The following ZNF41 variants were observed in gnomAD, a reference collection of about 807,000 sequenced individuals.
The protein encoded by ZNF41 is zinc finger protein 41.
ZNF41 carries 6 observed loss-of-function variants against 9.3 expected under a neutral mutation model. That is an observed-to-expected ratio of 0.65 (90% CI 0.35 to 1.28). The LOEUF (loss-of-function observed/expected upper bound fraction) is 1.28. Among genes scored for constraint, ZNF41 ranks in the 50% most tolerant of loss-of-function variants. The pLI is 0.03. For synonymous variants in ZNF41, 192 were observed against 207.1 expected, an observed-to-expected ratio of 0.93 and a Z score of 0.63; for missense variants, 523 against 585.8, an observed-to-expected ratio of 0.89 and a Z score of 1.11.
At chrX:47,476,648 TAAA>T (rs2057339137) in intron 1 of ZNF41, among the ~76,000 whole-genome samples, 1 of 110,823 alleles carries the variant, frequency 9.0e-6, no homozygotes, top group Non-Finnish European at 1.9e-5. Flanking sequence ...AGGATAGAAT[TAAA>T]AAGACAATAA....
intron 2 of ZNF41, among the ~76,000 whole-genome samples, chrX:47,459,574 C>G (rs1432924774): frequency 9.3e-6 from 1 of 107,293 alleles, no homozygotes; most frequent in Admixed American, 1.0e-4. Flanking sequence ...AAAACCCCAT[C>G]TCTACAAAAA....
At chrX:47,455,856 G>A (rs1383509222) in intron 4 of ZNF41, 65 bp downstream of exon 4, 99 of 1,038,085 alleles carry the variant, frequency 9.5e-5, no homozygotes, top group East Asian at 6.4e-4. Flanking sequence ...CAAAGGCATC[G>A]GGCTTTCCTA....
Position 47,448,913 on chromosome X carries a change from A to C in ZNF41, c.857T>G (p.Leu286Arg). The change falls in exon 5 of 5, where the codon CTG becomes CGG. Residue 286 changes from leucine (L) to arginine (R), a missense_variant. Leu to Arg is a moderately radical substitution (Grantham distance 102). Coordinates refer to ENST00000684689, the MANE Select transcript of ZNF41 (RefSeq NM_001324144.2). ...CVMGFTQKSH[L>R]FEHQRIHAGE... is the part of the protein sequence containing the mutation. ...AGCATGAATTCTCTGATGCTCAAAC[A>C]GATGTGACTTCTGAGTGAAGCCCAT... 8.3e-7 allele frequency: 1 copy of C among 1,211,842 alleles called. No individual in the cohort carries two copies. The highest frequency in any genetic ancestry group is 1.1e-6 in the Non-Finnish European group (1 of 895,563).
chrX:47,471,824 C>T (rs1171964395), intron 1 of ZNF41, among the ~76,000 whole-genome samples: 2 of 111,725 alleles, frequency 1.8e-5, no homozygotes, highest in Non-Finnish European at 3.8e-5. Context: ...ACAGGCATTT[C>T]ACAAAGAAAA....
At chrX:47,465,314 CAA>C (rs1407717798) in intron 2 of ZNF41, among the ~76,000 whole-genome samples, 2 of 111,991 alleles carry the variant, frequency 1.8e-5, no homozygotes, top group African/African-American at 6.5e-5. Flanking sequence ...TCAAAGTATA[CAA>C]AGTTTTGTTA....
At chrX:47,462,910 GTA>G (rs61273021) in intron 2 of ZNF41, among the ~76,000 whole-genome samples, 26 of 92,647 alleles carry the variant, frequency 2.8e-4, no homozygotes, top group East Asian at 3.4e-4. Context: ...TTTTTTGTAT[GTA>G]TATATATATA....
intron 1 of ZNF41, among the ~76,000 whole-genome samples, chrX:47,468,866 C>T (rs2057077132): frequency 9.0e-6 from 1 of 111,119 alleles, no homozygotes; most frequent in Non-Finnish European, 1.9e-5. Context: ...ACGTCATTTA[C>T]AAGGAAAAGG....
At chrX:47,457,434 C>T (rs2056610720) in intron 2 of ZNF41, among the ~76,000 whole-genome samples, 1 of 109,523 alleles carries the variant, frequency 9.1e-6, no homozygotes, top group South Asian at 3.9e-4. Flanking sequence ...GGATTGATCA[C>T]GAGGAATGTT....
intron 2 of ZNF41, among the ~76,000 whole-genome samples, chrX:47,457,622 T>C (rs923355780): frequency 3.6e-5 from 4 of 111,918 alleles, no homozygotes; most frequent in Non-Finnish European, 7.5e-5. Flanking sequence ...GCGGATCACC[T>C]GAGGTCAGGA....
chrX:47,459,567 AC>A (rs1355524268), intron 2 of ZNF41, among the ~76,000 whole-genome samples: 1 of 106,754 alleles, frequency 9.4e-6, no homozygotes, highest in Non-Finnish European at 1.9e-5. Flanking sequence ...ACATGGCAAA[AC>A]CCCATCTCTA....
intron 4 of ZNF41, among the ~76,000 whole-genome samples, chrX:47,449,884 C>T (rs1277565375): frequency 9.0e-6 from 1 of 111,461 alleles, no homozygotes; most frequent in African/African-American, 3.3e-5. Context: ...ATGTAAGAGG[C>T]CTGGATTGTG....
chrX:47,452,225 C>T (rs912539783), intron 4 of ZNF41, among the ~76,000 whole-genome samples: 3 of 110,894 alleles, frequency 2.7e-5, no homozygotes, highest in African/African-American at 6.6e-5. Context: ...CTCTAGAGCT[C>T]GGCTCCTGCA....
intron 1 of ZNF41, among the ~76,000 whole-genome samples, chrX:47,475,357 A>G (rs1270458998): frequency 9.0e-6 from 1 of 110,602 alleles, no homozygotes; most frequent in African/African-American, 3.3e-5. Flanking sequence ...AAATCTGTAG[A>G]GCAATAATCA....
rs371423572 is a variant in ZNF41 at position 47,448,807 on chromosome X, A to G, written c.963T>C (p.Tyr321=). 38 of 1,209,965 alleles carry G rather than the reference A, an allele frequency of 3.1e-5. No homozygotes were observed. Among genetic ancestry groups the G allele is most frequent in the African/African-American group, 1.7e-5 (1 of 57,155 alleles). The change falls in exon 5 of 5, where the codon TAT becomes TAC. Residue 321 remains tyrosine (Y), a synonymous_variant. Transcript: ENST00000684689. The part of the protein sequence containing the change: ...KPQVDVHPSV[Y]TGEKPYLCTQ... ...TACACAGATAGGGTTTTTCTCCTGT[A>G]TAAACACTTGGATGTACATCAACCT...
At chrX:47,464,512 G>GA (rs1257940402) in intron 2 of ZNF41, among the ~76,000 whole-genome samples, 1 of 111,519 alleles carries the variant, frequency 9.0e-6, no homozygotes, top group Non-Finnish European at 1.9e-5. Context: ...GATGTTTAAT[G>GA]AAAAAACCAA....
In ZNF41 at chrX:47,447,985, G is replaced by A; in HGVS notation, c.1785C>T (p.Ser595=). The part of the protein sequence containing the change: ...GKAFIQKSTL[S]VHQRIHTGEK... ...CTCCTGTATGGATTCTCTGATGCAC[G>A]CTTAGTGTTGATTTCTGGATGAAGG... The change falls in exon 5 of 5, where the codon AGC becomes AGT. Residue 595 remains serine (S), a synonymous_variant. Coordinates refer to ENST00000684689, the MANE Select transcript of ZNF41 (RefSeq NM_001324144.2). 11 of 1,210,744 alleles carry A rather than the reference G, an allele frequency of 9.1e-6. No homozygotes were observed. Among genetic ancestry groups the A allele is most frequent in the South Asian group, 1.8e-5 (1 of 56,921 alleles).
intron 2 of ZNF41, among the ~76,000 whole-genome samples, chrX:47,461,398 A>G (rs999750481): frequency 1.9e-5 from 2 of 104,095 alleles, no homozygotes; most frequent in African/African-American, 7.1e-5. Flanking sequence ...GCGCCTGGCC[A>G]GGATATTTTC....
intron 4 of ZNF41, among the ~76,000 whole-genome samples, chrX:47,450,804 T>C (rs1433243329): frequency 9.0e-6 from 1 of 111,617 alleles, no homozygotes; most frequent in Non-Finnish European, 1.9e-5. Context: ...TGACCCATCA[T>C]TAACCAGGCA....
chrX:47,456,584 G>A, intron 2 of ZNF41, 186 bp from the exon 3 acceptor site: 1 of 539,612 alleles, frequency 1.9e-6, no homozygotes, highest in Non-Finnish European at 2.9e-6. Flanking sequence ...CATTTGTTGT[G>A]TACTACATTA....
Sources: gnomAD v4.1 joint callset for allele counts (sites outside exome capture counted in the v4.1 genomes callset) on GRCh38, gnomAD v4.1.1 for gene constraint, MANE v1.5 for transcripts, NCBI Gene and HGNC (gene_info 2026-07-23, HGNC 2026-07-21) for gene names.